Variants in IL15 observed in about 807,000 individuals in gnomAD.
IL15 encodes interleukin 15, also known as interleukin-15.
In IL15, 11 loss-of-function variants were observed where a neutral mutation model predicts 19.6. The observed-to-expected ratio is 0.56, with a 90% confidence interval of 0.35 to 0.93. The LOEUF (loss-of-function observed/expected upper bound fraction) is 0.93, where lower values mean the gene tolerates loss of function less well. Among genes scored for constraint, IL15 ranks in the 40% least tolerant of loss-of-function variants. The probability of loss-of-function intolerance (pLI) is 0.01; values close to 1 mark genes in which losing one functional copy is unlikely to be tolerated. For missense variants in IL15, 197 were observed against 186.5 expected, an observed-to-expected ratio of 1.06 and a Z score of -0.33; for synonymous variants, 58 against 59.6, an observed-to-expected ratio of 0.97 and a Z score of 0.12.
chr4:141,715,640 T>G (rs183114147), intron 2 of IL15: 60 of 152,322 alleles, frequency 3.9e-4, no homozygotes, highest in African/African-American at 1.3e-3. Context: ...TCAGTGAATA[T>G]TTACTAAATG....
intron 2 of IL15, among the ~76,000 whole-genome samples, chr4:141,689,798 A>C (rs1215551379): frequency 6.6e-6 from 1 of 152,080 alleles, no homozygotes; most frequent in East Asian, 1.9e-4. Context: ...GGCTTCACCC[A>C]GTGGATCCCA....
chr4:141,709,153 T>G (rs1729629394), intron 2 of IL15, among the ~76,000 whole-genome samples: 1 of 151,940 alleles, frequency 6.6e-6, no homozygotes, highest in African/African-American at 2.4e-5. Context: ...TTCAATACTA[T>G]TAATTTTTTG....
intron 2 of IL15, among the ~76,000 whole-genome samples, chr4:141,680,450 G>C (rs1466489200): frequency 6.6e-6 from 1 of 151,938 alleles, no homozygotes; most frequent in Non-Finnish European, 1.5e-5. Context: ...TGTTTCTGTC[G>C]AACACTTGAT....
intron 2 of IL15, among the ~76,000 whole-genome samples, chr4:141,693,561 A>G (rs1390046697): frequency 6.6e-6 from 1 of 152,202 alleles, no homozygotes; most frequent in Admixed American, 6.5e-5. Context: ...TTGGTATATT[A>G]TCAATTTTTC....
intron 2 of IL15, among the ~76,000 whole-genome samples, chr4:141,665,142 A>G (rs1024631749): frequency 1.2e-4 from 19 of 152,060 alleles, no homozygotes; most frequent in Non-Finnish European, 8.8e-5. Context: ...TGGTTATCCT[A>G]TCATTTTGTT....
chr4:141,668,504 C>T (rs534893149), intron 2 of IL15, among the ~76,000 whole-genome samples: 18 of 152,152 alleles, frequency 1.2e-4, no homozygotes, highest in Non-Finnish European at 2.5e-4. Context: ...CACATTTGGT[C>T]GTTTCTTGAG....
intron 2 of IL15, chr4:141,718,679 G>A (rs1200313888): frequency 5.9e-5 from 9 of 152,002 alleles, no homozygotes; most frequent in Admixed American, 5.9e-4. Flanking sequence ...TTAATTCTTT[G>A]TGTTTATGGA....
chr4:141,701,702 G>A lies in IL15; in HGVS notation c.-99-17664G>A, dbSNP rs547896220. Among the ~76,000 whole-genome samples, 5 of 152,248 alleles carry A rather than the reference G, an allele frequency of 3.3e-5. No individual in the cohort carries two copies. The East Asian group carries it at 9.6e-4, about 29-fold the overall frequency. ...GGGCAGGGATCCCAGCCTTGATGAA[G>A]GTGGCTAAGGGAGTTCTCAATTAGA... On this transcript the variant is annotated intron_variant, in intron 2 of 7. Transcript: ENST00000320650.
chr4:141,640,959 G>A (rs1189295087), intron 1 of IL15, among the ~76,000 whole-genome samples: 1 of 152,162 alleles, frequency 6.6e-6, no homozygotes, highest in Non-Finnish European at 1.5e-5. Flanking sequence ...CGGTGGTGGT[G>A]GGGGTAAGCT....
chr4:141,655,978 G>A (rs902668188), intron 1 of IL15, among the ~76,000 whole-genome samples: 22 of 152,154 alleles, frequency 1.4e-4, no homozygotes, highest in African/African-American at 4.8e-4. Flanking sequence ...TAGTCAGCAA[G>A]GACATGAGTT....
Position 141,685,944 on chromosome 4 carries a change from G to A in IL15, c.-100+29637G>A, listed in dbSNP as rs148035749. Among the ~76,000 whole-genome samples the A allele has an allele frequency of 2.0e-5, 3 of 152,218 alleles. No homozygotes were observed. In the East Asian group the frequency reaches 5.8e-4, roughly 29 times the overall value. On this transcript the variant is annotated intron_variant, in intron 2 of 7. Transcript: ENST00000320650. ...TTAGTCTTTATGATTTGTAGGGGCAGGAACTCTCTTAAACCTGTTTGATAT... is the reference window on the plus strand; with the variant it reads ...TTAGTCTTTATGATTTGTAGGGGCAAGAACTCTCTTAAACCTGTTTGATAT...
At position 141,705,138 on chromosome 4, in the gene IL15, T is replaced by C. The variant is rs557383447; in HGVS notation, c.-99-14228T>C. Among the ~76,000 whole-genome samples the C allele has an allele frequency of 1.6e-3, 247 of 152,090 alleles. 2 individuals carry two copies. The highest frequency in any genetic ancestry group is 5.7e-3 in the African/African-American group (238 of 41,582). ...TACCAATTTTGGGTTTAGTTTGTTC[T>C]TATTATTTTTAGTTCCTTGAGGTGA... On this transcript the variant is annotated intron_variant, in intron 2 of 7. Transcript: ENST00000320650.
intron 7 of IL15, 76 bp downstream of exon 7, chr4:141,730,060 C>A: frequency 8.6e-7 from 1 of 1,162,072 alleles, no homozygotes; most frequent in Non-Finnish European, 1.3e-6. Flanking sequence ...CATGGACAAG[C>A]AGATCCTCCT....
At chr4:141,720,161 T>C (rs1293389304) in intron 3 of IL15, among the ~76,000 whole-genome samples, 2 of 152,110 alleles carry the variant, frequency 1.3e-5, no homozygotes, top group Non-Finnish European at 2.9e-5. Flanking sequence ...TCAAAGATAA[T>C]ATAAAAACTT....
At position 141,653,140 on chromosome 4, in the gene IL15, G is replaced by A. The variant is rs553137792; in HGVS notation, c.-221-3046G>A. 9.2e-5 allele frequency among the ~76,000 whole-genome samples: 14 copies of A among 152,182 alleles called. No individual in the cohort carries two copies. In the East Asian group the frequency reaches 1.9e-3, roughly 21 times the overall value. ...TCTAAAGAGGCACCACTGGAAAATT[G>A]TTTAGTAACAATTGGCTGATTTTTA... On this transcript the variant is annotated intron_variant, in intron 1 of 7. Coordinates refer to ENST00000320650, the MANE Select transcript of IL15 (RefSeq NM_000585.5).
chr4:141,677,722 C>T (rs1728394125), intron 2 of IL15, among the ~76,000 whole-genome samples: 1 of 152,184 alleles, frequency 6.6e-6, no homozygotes, highest in South Asian at 2.1e-4. Context: ...TTCTGGCTTT[C>T]CCTTCTCCTA....
intron 2 of IL15, among the ~76,000 whole-genome samples, chr4:141,659,204 G>GTT (rs1727707847): frequency 7.0e-6 from 1 of 143,438 alleles, no homozygotes; most frequent in African/African-American, 2.7e-5. Flanking sequence ...GTTTCCTGGT[G>GTT]TCTTTTTTTT....
intron 2 of IL15, among the ~76,000 whole-genome samples, chr4:141,661,619 A>G (rs1354628379): frequency 6.6e-6 from 1 of 152,160 alleles, no homozygotes; most frequent in East Asian, 1.9e-4. Flanking sequence ...ACAAGTTAAC[A>G]GCCTGTGTGG....
chr4:141,643,860 T>TA (rs979502078), intron 1 of IL15, among the ~76,000 whole-genome samples: 2 of 151,880 alleles, frequency 1.3e-5, no homozygotes, highest in African/African-American at 4.8e-5. Context: ...GCAGTCTATT[T>TA]AGCTGTTATT....
Sources: allele counts gnomAD v4.1 joint callset (sites outside exome capture counted in the v4.1 genomes callset), GRCh38; gene constraint gnomAD v4.1.1; transcripts MANE v1.5; gene names NCBI Gene and HGNC (gene_info 2026-07-23, HGNC 2026-07-21).